Variants in FGF14 observed in about 807,000 individuals in gnomAD.
FGF14 encodes fibroblast growth factor 14.
In FGF14, 5 loss-of-function variants were observed where a neutral mutation model predicts 25.5. The observed-to-expected ratio is 0.20, with a 90% confidence interval of 0.10 to 0.41. FGF14 has a LOEUF of 0.41. Ranked by LOEUF, FGF14 falls within the 10% of genes least tolerant of loss-of-function variation. FGF14 has a pLI of 1.00. For missense variants in FGF14, 222 were observed against 320.1 expected (o/e 0.69, Z 2.34); for synonymous variants, 138 against 118.3 (o/e 1.17, Z -1.08).
At chr13:102,373,247 C>A (rs896476151) in intron 1 of FGF14, among the ~76,000 whole-genome samples, 1 of 152,126 alleles carries the variant, frequency 6.6e-6, no homozygotes, top group Non-Finnish European at 1.5e-5. Context: ...AAAATCCAAG[C>A]CTTCACTATT....
intron 3 of FGF14, among the ~76,000 whole-genome samples, chr13:101,855,207 A>C (rs2044063127): frequency 6.6e-6 from 1 of 152,052 alleles, no homozygotes; most frequent in Admixed American, 6.6e-5. Context: ...TAATACATTA[A>C]CAGTGACTCT....
intron 1 of FGF14, among the ~76,000 whole-genome samples, chr13:101,948,521 G>A (rs1446085158): frequency 6.6e-6 from 1 of 150,968 alleles, no homozygotes; most frequent in East Asian, 1.9e-4. Flanking sequence ...TTCACTATGG[G>A]AAGAGCAGAC....
chr13:101,816,298 G>A (rs3927444), intron 3 of FGF14, among the ~76,000 whole-genome samples: 36,198 of 133,038 alleles, frequency 0.27, 6,215 homozygotes, highest in African/African-American at 0.36. Context: ...TGGCTTACCC[G>A]AAATCTAAAG....
At chr13:101,814,908 G>T (rs1017270483) in intron 3 of FGF14, among the ~76,000 whole-genome samples, 3 of 152,008 alleles carry the variant, frequency 2.0e-5, no homozygotes, top group Admixed American at 1.3e-4. Context: ...GTATTAATTG[G>T]CAGTCAGATT....
intron 1 of FGF14, among the ~76,000 whole-genome samples, chr13:102,194,441 C>CT (rs1555375719): frequency 7.2e-6 from 1 of 138,386 alleles, no homozygotes; most frequent in African/African-American, 3.2e-5. Flanking sequence ...CACTGCCCCC[C>CT]TGACAGGCCC....
chr13:102,124,799 T>C (rs909330778), intron 1 of FGF14, among the ~76,000 whole-genome samples: 1 of 152,198 alleles, frequency 6.6e-6, no homozygotes, highest in Non-Finnish European at 1.5e-5. Context: ...CTGTTATTTA[T>C]ATATATTCAT....
At chr13:101,919,535 T>C (rs183481320), upstream of FGF14, among the ~76,000 whole-genome samples, 190 of 152,014 alleles carry the variant, frequency 1.2e-3, no homozygotes, top group Middle Eastern at 0.01. Context: ...CCCCAAATCC[T>C]TGGACTTGGG....
intron 1 of FGF14, among the ~76,000 whole-genome samples, chr13:101,883,010 T>G (rs1358199819): frequency 6.6e-6 from 1 of 152,050 alleles, no homozygotes; most frequent in Non-Finnish European, 1.5e-5. Flanking sequence ...CATTCAGAGA[T>G]ACGATACCTA....
chr13:102,066,053 T>C (rs949861350), intron 1 of FGF14, among the ~76,000 whole-genome samples: 1 of 152,124 alleles, frequency 6.6e-6, no homozygotes, highest in Non-Finnish European at 1.5e-5. Context: ...ATTTCACATA[T>C]AGCTAGTTAA....
At chr13:102,345,752 G>A (rs1370404371) in intron 1 of FGF14, among the ~76,000 whole-genome samples, 1 of 152,178 alleles carries the variant, frequency 6.6e-6, no homozygotes, top group Non-Finnish European at 1.5e-5. Flanking sequence ...AACTCTTCTT[G>A]GAGAGGTAAA....
intron 1 of FGF14, among the ~76,000 whole-genome samples, chr13:102,356,260 T>C (rs1349245307): frequency 6.6e-6 from 1 of 152,210 alleles, no homozygotes; most frequent in Non-Finnish European, 1.5e-5. Flanking sequence ...CTTAATACAA[T>C]TCTTTGCTCC....
intron 1 of FGF14, among the ~76,000 whole-genome samples, chr13:101,888,238 G>A (rs149325085): frequency 2.0e-4 from 30 of 152,250 alleles, no homozygotes; most frequent in African/African-American, 7.0e-4. Flanking sequence ...TGACCCATCG[G>A]AGTCACATTT....
chr13:102,027,248 CAT>C (rs1183022678), intron 1 of FGF14, among the ~76,000 whole-genome samples: 3 of 151,256 alleles, frequency 2.0e-5, no homozygotes, highest in South Asian at 4.2e-4. Flanking sequence ...TACACACACA[CAT>C]ATATTTATAA....
chr13:101,774,465 A>G (rs1408086591), intron 3 of FGF14, among the ~76,000 whole-genome samples: 1 of 152,164 alleles, frequency 6.6e-6, no homozygotes, highest in Non-Finnish European at 1.5e-5. Context: ...CAATTCATCC[A>G]TAGCAATCTC....
At chr13:101,964,230 C>A (rs559499037) in intron 1 of FGF14, among the ~76,000 whole-genome samples, 9 of 151,824 alleles carry the variant, frequency 5.9e-5, no homozygotes, top group African/African-American at 2.2e-4. Context: ...TTATTCCTAT[C>A]CCAATGACTT....
chr13:102,179,753 C>T (rs1485549898), intron 1 of FGF14, among the ~76,000 whole-genome samples: 1 of 152,078 alleles, frequency 6.6e-6, no homozygotes, highest in Non-Finnish European at 1.5e-5. Context: ...CAAGTGAAGA[C>T]TTAATAATAA....
Position 102,292,294 on chromosome 13 carries a change from A to AAAAC in FGF14, c.208+109176_208+109177insGTTT, listed in dbSNP as rs1566907913. 6 of 150,458 alleles carry AAAAC rather than the reference A, an allele frequency of 4.0e-5. No individual in the cohort carries two copies. In the East Asian group the frequency reaches 6.0e-4, roughly 15 times the overall value. The allele number at this position is 150,458 out of a possible 1,614,324, so 9.3% of individuals were successfully genotyped here. ...ACTCTATAGCAAAAAAAAAAAAAAA[A>AAAAC]AAAAAAAAAAACTGACAATTTCAAA... On this transcript the variant is annotated intron_variant, in intron 1 of 4. Coordinates refer to the FGF14 transcript ENST00000376131.
chr13:102,101,737 C>G (rs991899424), intron 1 of FGF14, among the ~76,000 whole-genome samples: 1 of 151,850 alleles, frequency 6.6e-6, no homozygotes, highest in African/African-American at 2.4e-5. Flanking sequence ...TGGAGTCTCA[C>G]TTTATTGCCC....
At chr13:101,726,915 G>C in intron 3 of FGF14, 105 bp from the exon 4 acceptor site, 1 of 829,778 alleles carries the variant, frequency 1.2e-6, no homozygotes, top group Admixed American at 2.1e-5. Context: ...AGAGTGCTTT[G>C]GCATGGAGGA....
Sources: gnomAD v4.1 joint callset for allele counts (sites outside exome capture counted in the v4.1 genomes callset) on GRCh38, gnomAD v4.1.1 for gene constraint, MANE v1.5 for transcripts, NCBI Gene and HGNC (gene_info 2026-07-23, HGNC 2026-07-21) for gene names.